Variants in NEMP2 observed in about 807,000 individuals in gnomAD.
NEMP2 encodes the protein UPF0571 transmembrane protein.
A neutral mutation model predicts 54.2 loss-of-function variants in NEMP2; 53 were observed. The ratio of observed to expected loss-of-function variants is 0.98; its 90% CI spans 0.78 to 1.23. The LOEUF (loss-of-function observed/expected upper bound fraction) is 1.23, where lower values mean the gene tolerates loss of function less well. NEMP2 is among the 50% of genes most tolerant of loss of function. The pLI is 0.00. For synonymous variants in NEMP2, 197 were observed against 190.3 expected (o/e 1.04, Z -0.29); for missense variants, 455 against 511.3 (o/e 0.89, Z 1.06).
Position 190,531,631 on chromosome 2 carries a change from A to G in NEMP2, c.97+2928T>C, listed in dbSNP as rs1691148045. Among the ~76,000 whole-genome samples the G allele has an allele frequency of 1.3e-5, 2 of 152,174 alleles. No individual in the cohort carries two copies. The highest frequency in any genetic ancestry group is 1.9e-4 in the East Asian group (1 of 5,206). ...CTTAGTTCATTTTAAATACCACTCA[A>G]TTTATGAATATTCAATTAATCTAAT... is the stretch of plus-strand genomic sequence containing the variant. On this transcript the variant is annotated intron_variant, in intron 1 of 8. Transcript: ENST00000409150. This position sits in a 1 kb window ranked among gnomAD's most constrained non-coding sequence, Gnocchi z 4.7.
At chr2:190,611,567 C>T in the NEMP2 span, among the ~76,000 whole-genome samples, 20 of 152,006 alleles carry the variant, frequency 1.3e-4, no homozygotes, top group Admixed American at 1.3e-3. This position sits in a 1 kb window ranked among gnomAD's most constrained non-coding sequence, Gnocchi z 5.4. Flanking sequence ...TGGATGATAC[C>T]CCTTTAACTT....
the NEMP2 span, chr2:190,608,219 A>T: frequency 1.3e-5 from 2 of 152,176 alleles, no homozygotes; most frequent in African/African-American, 4.8e-5. The surrounding 1 kb of genome is among the most constrained non-coding windows in gnomAD (Gnocchi z 4.9). Context: ...GTGTTCGAGT[A>T]ATCCTTATTT....
chr2:190,585,237 T>C, the NEMP2 span, among the ~76,000 whole-genome samples: 2 of 152,254 alleles, frequency 1.3e-5, no homozygotes, highest in African/African-American at 4.8e-5. The surrounding 1 kb of genome is among the most constrained non-coding windows in gnomAD (Gnocchi z 5.3). Flanking sequence ...TTGTGGACTA[T>C]GCAACATCTT....
At chr2:190,526,666 GGA>G (rs1410536045) in intron 1 of NEMP2, among the ~76,000 whole-genome samples, 2 of 152,082 alleles carry the variant, frequency 1.3e-5, no homozygotes, top group African/African-American at 4.8e-5. Flanking sequence ...TCTGATAAGC[GGA>G]GAGATAGTGA....
Position 190,510,568 on chromosome 2 carries a change from T to C in NEMP2, c.954-31A>G, listed in dbSNP as rs1197649769. On this transcript the variant is annotated intron_variant, in intron 7 of 8. Transcript: ENST00000409150. This position sits in a 1 kb window ranked among gnomAD's most constrained non-coding sequence, Gnocchi z 5.7. Reference sequence around the variant, plus strand: ...ACATGGCATGTGGTTGCAGGATTACTTCCTAATTCAATCCTTAAGATTTAC... The same window carrying C: ...ACATGGCATGTGGTTGCAGGATTACCTCCTAATTCAATCCTTAAGATTTAC... The C allele has an allele frequency of 6.5e-7, 1 of 1,549,938 alleles. No individual in the cohort carries two copies. Among genetic ancestry groups the C allele is most frequent in the Non-Finnish European group, 8.7e-7 (1 of 1,145,602 alleles).
At chr2:190,616,405 AGAGTT>A in the NEMP2 span, among the ~76,000 whole-genome samples, 3,100 of 152,338 alleles carry the variant, frequency 0.02, 99 homozygotes, top group African/African-American at 0.069. The surrounding 1 kb of genome is among the most constrained non-coding windows in gnomAD (Gnocchi z 5.1). Flanking sequence ...AAAAATTAGT[AGAGTT>A]AATATTTATG....
Position 190,523,391 on chromosome 2 carries a change from G to A in NEMP2, c.213+1872C>T, listed in dbSNP as rs1162995144. Among the ~76,000 whole-genome samples, 4 of 152,140 alleles carry A rather than the reference G, an allele frequency of 2.6e-5. No individual in the cohort carries two copies. In the East Asian group the frequency reaches 7.7e-4, roughly 29 times the overall value. On this transcript the variant is annotated intron_variant, in intron 2 of 8. Coordinates refer to ENST00000409150, the MANE Select transcript of NEMP2 (RefSeq NM_001142645.2). The surrounding 1 kb of genome is among the most constrained non-coding windows in gnomAD (Gnocchi z 5.3). ...TAGGCAAATAAATAAATATATTTGAGGATAATGGGAACTAAGTTTCTCATT... is the reference window on the plus strand; with the variant it reads ...TAGGCAAATAAATAAATATATTTGAAGATAATGGGAACTAAGTTTCTCATT...
chr2:190,594,340 T>TTACCCAAG, the NEMP2 span, among the ~76,000 whole-genome samples: 1 of 152,172 alleles, frequency 6.6e-6, no homozygotes, highest in South Asian at 2.1e-4. The surrounding 1 kb of genome is among the most constrained non-coding windows in gnomAD (Gnocchi z 5.6). Context: ...AGTATCTCCT[T>TTACCCAAG]TAAAACATAC....
chr2:190,558,393 C>T, the NEMP2 span, among the ~76,000 whole-genome samples: 2 of 152,130 alleles, frequency 1.3e-5, no homozygotes, highest in Non-Finnish European at 1.5e-5. This position sits in a 1 kb window ranked among gnomAD's most constrained non-coding sequence, Gnocchi z 4.4. Context: ...ATGGGTGCAG[C>T]AAACCACCAT....
the NEMP2 span, chr2:190,497,362 T>C: frequency 1.3e-6 from 2 of 1,503,886 alleles, no homozygotes; most frequent in Non-Finnish European, 1.8e-6. The surrounding 1 kb of genome is among the most constrained non-coding windows in gnomAD (Gnocchi z 5.2). Context: ...GATTCTTGGT[T>C]TATTTATTTA....
chr2:190,554,058 G>A, the NEMP2 span, among the ~76,000 whole-genome samples: 3 of 152,194 alleles, frequency 2.0e-5, no homozygotes, highest in Admixed American at 2.0e-4. The surrounding 1 kb of genome is among the most constrained non-coding windows in gnomAD (Gnocchi z 5.7). Flanking sequence ...GGAAGCACAA[G>A]GGGTCAGGGG....
chr2:190,543,026 T>C, the NEMP2 span, among the ~76,000 whole-genome samples: 1 of 152,248 alleles, frequency 6.6e-6, no homozygotes, highest in African/African-American at 2.4e-5. The surrounding 1 kb of genome is among the most constrained non-coding windows in gnomAD (Gnocchi z 4.7). Flanking sequence ...GTTTTTACTG[T>C]ACATGTTTGC....
chr2:190,440,955 G>T, the NEMP2 span, among the ~76,000 whole-genome samples: 1 of 152,208 alleles, frequency 6.6e-6, no homozygotes, highest in African/African-American at 2.4e-5. Context: ...CTTCAGCACA[G>T]CCAAGGACAC....
chr2:190,544,772 T>C, the NEMP2 span, among the ~76,000 whole-genome samples: 1 of 152,064 alleles, frequency 6.6e-6, no homozygotes, highest in Non-Finnish European at 1.5e-5. Flanking sequence ...TACAGGAAAC[T>C]GGTCACCAGT....
At chr2:190,447,319 C>T in the NEMP2 span, among the ~76,000 whole-genome samples, 1 of 152,130 alleles carries the variant, frequency 6.6e-6, no homozygotes, top group Non-Finnish European at 1.5e-5. The surrounding 1 kb of genome is among the most constrained non-coding windows in gnomAD (Gnocchi z 4.5). Flanking sequence ...AGTGATTGAG[C>T]GAAACTGTGA....
chr2:190,543,360 G>A, the NEMP2 span, among the ~76,000 whole-genome samples: 1 of 152,100 alleles, frequency 6.6e-6, no homozygotes, highest in African/African-American at 2.4e-5. This position sits in a 1 kb window ranked among gnomAD's most constrained non-coding sequence, Gnocchi z 4.7. Context: ...CTCTCTTTTT[G>A]CCCCTGTCTC....
downstream of NEMP2, chr2:190,500,538 C>T: frequency 3.5e-6 from 1 of 289,328 alleles, no homozygotes; most frequent in Non-Finnish European, 6.5e-6. The surrounding 1 kb of genome is among the most constrained non-coding windows in gnomAD (Gnocchi z 5.3). Context: ...GGCAGTTACA[C>T]TAAGTAAGTG....
At chr2:190,598,991 C>G in the NEMP2 span, among the ~76,000 whole-genome samples, 2 of 152,150 alleles carry the variant, frequency 1.3e-5, no homozygotes, top group Non-Finnish European at 2.9e-5. Flanking sequence ...CTCTAGGCCC[C>G]TTTTTCTCAA....
At chr2:190,467,184 C>T in the NEMP2 span, among the ~76,000 whole-genome samples, 1 of 152,212 alleles carries the variant, frequency 6.6e-6, no homozygotes, top group Admixed American at 6.5e-5. This position sits in a 1 kb window ranked among gnomAD's most constrained non-coding sequence, Gnocchi z 5.5. Context: ...ACTGGTTCTC[C>T]ACCCTGGCTC....
Sources: allele counts gnomAD v4.1 joint callset (sites outside exome capture counted in the v4.1 genomes callset), GRCh38; gene constraint gnomAD v4.1.1; non-coding constraint Gnocchi (gnomAD v3.1); transcripts MANE v1.5; gene names NCBI Gene and HGNC (gene_info 2026-07-23, HGNC 2026-07-21).